The following MACROD2 variants were observed in gnomAD, a reference collection of about 807,000 sequenced individuals.
MACROD2 encodes mono-ADP ribosylhydrolase 2.
In MACROD2, 36 loss-of-function variants were observed where a neutral mutation model predicts 70.4. That is an observed-to-expected ratio of 0.51 (90% CI 0.39 to 0.68). MACROD2 has a LOEUF of 0.68. Among genes scored for constraint, MACROD2 ranks in the 30% least tolerant of loss-of-function variants. MACROD2 has a pLI of 0.00. For missense variants in MACROD2, 496 were observed against 538.4 expected (o/e 0.92, Z 0.78); for synonymous variants, 172 against 178.8 (o/e 0.96, Z 0.30).
intron 8 of MACROD2, among the ~76,000 whole-genome samples, chr20:15,822,184 A>G (rs2063945731): frequency 6.6e-6 from 1 of 152,206 alleles, no homozygotes. Context: ...TAATGATACA[A>G]ATTAAAGCAA....
rs1022306171 is a variant in MACROD2 at position 15,923,281 on chromosome 20, C to A, written c.776-9995C>A. Among the ~76,000 whole-genome samples, 9 of 152,168 alleles carry A rather than the reference C, an allele frequency of 5.9e-5. 1 individual carries two copies. Among genetic ancestry groups the A allele is most frequent in the African/African-American group, 2.2e-4 (9 of 41,428 alleles). On this transcript the variant is annotated intron_variant, in intron 10 of 17. Coordinates refer to ENST00000684519, the MANE Select transcript of MACROD2 (RefSeq NM_001351661.2). ...CAGACTCATGGCGGGAAGTGAAAGA[C>A]TCTTCTTCCATGGCGGTGGCAAGAG...
chr20:15,113,220 C>A (rs1226031330), intron 5 of MACROD2, among the ~76,000 whole-genome samples: 1 of 152,110 alleles, frequency 6.6e-6, no homozygotes, highest in Non-Finnish European at 1.5e-5. Context: ...AGCAGCAACA[C>A]CTTTTACATT....
intron 5 of MACROD2, among the ~76,000 whole-genome samples, chr20:14,828,116 A>C (rs560180742): frequency 3.9e-5 from 6 of 152,252 alleles, no homozygotes; most frequent in African/African-American, 1.4e-4. Context: ...ATATTCTTTC[A>C]GAATTTTTTA....
chr20:15,616,427 G>A (rs1173545725), intron 8 of MACROD2, among the ~76,000 whole-genome samples: 7 of 152,028 alleles, frequency 4.6e-5, no homozygotes, highest in Non-Finnish European at 1.0e-4. Flanking sequence ...TTATGATAAC[G>A]TACAGTCATA....
Position 15,037,860 on chromosome 20 carries a change from G to A in MACROD2, c.419-192080G>A, listed in dbSNP as rs140415204. Among the ~76,000 whole-genome samples the A allele has an allele frequency of 1.8e-4, 28 of 152,070 alleles. No individual in the cohort carries two copies. The East Asian group carries it at 5.0e-3, about 27-fold the overall frequency. ...TTAGACAGGAGGACTAAGGGCTACT[G>A]TTCTATAGCACAGTATGAGAGTATA... On this transcript the variant is annotated intron_variant, in intron 5 of 17. Transcript: ENST00000684519.
chr20:15,909,717 G>A (rs1396261133), intron 10 of MACROD2, among the ~76,000 whole-genome samples: 2 of 151,676 alleles, frequency 1.3e-5, no homozygotes, highest in African/African-American at 4.8e-5. Flanking sequence ...TAGAGACGGG[G>A]TTTCACCGTT....
At chr20:14,921,057 T>G (rs969399181) in intron 5 of MACROD2, among the ~76,000 whole-genome samples, 2 of 152,196 alleles carry the variant, frequency 1.3e-5, no homozygotes, top group Non-Finnish European at 2.9e-5. Flanking sequence ...CAGTCATCCC[T>G]TTAAACCACA....
At chr20:14,919,454 C>T (rs935198131) in intron 5 of MACROD2, among the ~76,000 whole-genome samples, 1 of 152,188 alleles carries the variant, frequency 6.6e-6, no homozygotes, top group South Asian at 2.1e-4. Context: ...CTTTCATAAC[C>T]ACATTTAACT....
At chr20:14,598,887 TAGA>T (rs1982308536) in intron 4 of MACROD2, among the ~76,000 whole-genome samples, 1 of 152,170 alleles carries the variant, frequency 6.6e-6, no homozygotes. Context: ...ATCAGTTTGA[TAGA>T]AGAGTTATAC....
chr20:15,337,586 A>G (rs76941429), intron 6 of MACROD2, among the ~76,000 whole-genome samples: 4,872 of 151,906 alleles, frequency 0.032, 110 homozygotes, highest in Middle Eastern at 0.051. Context: ...AGGAATGCAT[A>G]CATTACCACA....
intron 3 of MACROD2, among the ~76,000 whole-genome samples, chr20:14,195,768 A>C (rs1346323767): frequency 1.3e-5 from 2 of 152,180 alleles, no homozygotes; most frequent in Non-Finnish European, 2.9e-5. Context: ...GCTGCCAAGC[A>C]GCTCGACTCT....
At chr20:14,032,983 A>T (rs1488151736) in intron 2 of MACROD2, among the ~76,000 whole-genome samples, 1 of 151,874 alleles carries the variant, frequency 6.6e-6, no homozygotes, top group Non-Finnish European at 1.5e-5. Context: ...ATTTTTAGTC[A>T]CCTGTTTTAA....
At chr20:15,313,776 T>C (rs2077779546) in intron 6 of MACROD2, among the ~76,000 whole-genome samples, 1 of 152,214 alleles carries the variant, frequency 6.6e-6, no homozygotes, top group African/African-American at 2.4e-5. Flanking sequence ...ATGTGTATGT[T>C]GGATACTCTA....
At chr20:14,919,005 A>G (rs2074128829) in intron 5 of MACROD2, among the ~76,000 whole-genome samples, 1 of 152,160 alleles carries the variant, frequency 6.6e-6, no homozygotes, top group African/African-American at 2.4e-5. Context: ...GATAACTGAT[A>G]AAGCCTTTTG....
intron 5 of MACROD2, among the ~76,000 whole-genome samples, chr20:15,066,884 A>C (rs1447838778): frequency 6.7e-6 from 1 of 148,572 alleles, no homozygotes; most frequent in East Asian, 2.0e-4. Flanking sequence ...TCTGTCTCGA[A>C]AAAAAAAAAA....
chr20:14,762,274 A>G (rs2072025771), intron 5 of MACROD2, among the ~76,000 whole-genome samples: 1 of 152,006 alleles, frequency 6.6e-6, no homozygotes. Context: ...CTCCTCTCGA[A>G]CTTATCTCCT....
At chr20:15,179,431 T>C (rs1318555080) in intron 5 of MACROD2, among the ~76,000 whole-genome samples, 2 of 152,094 alleles carry the variant, frequency 1.3e-5, no homozygotes, top group South Asian at 2.1e-4. Context: ...CGGAGGAGTG[T>C]CTGCACCTGA....
intron 3 of MACROD2, among the ~76,000 whole-genome samples, chr20:14,189,284 T>C (rs2081366966): frequency 6.6e-6 from 1 of 152,176 alleles, no homozygotes. Context: ...ATCTTAGAGA[T>C]AATTGAACAT....
chr20:15,770,996 A>G (rs907625406), intron 8 of MACROD2, among the ~76,000 whole-genome samples: 5 of 152,126 alleles, frequency 3.3e-5, no homozygotes, highest in African/African-American at 1.2e-4. Context: ...GGTAGGAGGG[A>G]TTTGGAAAAG....
Sources: allele counts gnomAD v4.1 joint callset (sites outside exome capture counted in the v4.1 genomes callset), GRCh38; gene constraint gnomAD v4.1.1; transcripts MANE v1.5; gene names NCBI Gene and HGNC (gene_info 2026-07-23, HGNC 2026-07-21).